The following RDH12 variants were observed in gnomAD, a reference collection of about 807,000 sequenced individuals.
RDH12 encodes retinol dehydrogenase 12, also known as all-trans and 9-cis retinol dehydrogenase.
RDH12 carries 21 observed loss-of-function variants against 34.0 expected under a neutral mutation model. That is an observed-to-expected ratio of 0.62 (90% CI 0.44 to 0.89). The LOEUF is 0.89. Among genes scored for constraint, RDH12 ranks in the 40% least tolerant of loss-of-function variants. The pLI, the probability that RDH12 is intolerant of heterozygous loss-of-function variation, is 0.00. For missense variants in RDH12, 394 were observed against 398.6 expected (o/e 0.99, Z 0.10); for synonymous variants, 198 against 169.9 (o/e 1.17, Z -1.29).
At position 67,729,235 on chromosome 14, in the gene RDH12, T is replaced by C. The variant is rs1461242071; in HGVS notation, c.703T>C (p.Ser235Pro). ...CGCAGTGCACCCAGGCGTCGTCCGC[T>C]CTGAGCTGGTCCGGCACTCCTCCCT... ...TYAVHPGVVRSELVRHSSLLC... is the reference protein window; with the variant it reads ...TYAVHPGVVRPELVRHSSLLC... Residue 235 changes from serine to proline, a missense_variant, in exon 8 of 9, where the codon TCT becomes CCT. Physicochemically the swap from Ser to Pro is moderately conservative, Grantham distance 74. Coordinates refer to ENST00000551171, the MANE Select transcript of RDH12 (RefSeq NM_152443.3). The C allele has an allele frequency of 1.9e-6, 3 of 1,610,898 alleles. No homozygotes were observed. The highest frequency in any genetic ancestry group is 2.5e-6 in the Non-Finnish European group (3 of 1,180,016).
intron 1 of RDH12, among the ~76,000 whole-genome samples, chr14:67,719,845 CAGCTGTAT>C (rs2038104051): frequency 6.6e-6 from 1 of 152,100 alleles, no homozygotes; most frequent in South Asian, 2.1e-4. Flanking sequence ...TCTTTTTTTA[CAGCTGTAT>C]ACTATCTATT....
intron 7 of RDH12, chr14:67,727,486 T>TTG: frequency 9.3e-6 from 2 of 216,000 alleles, no homozygotes; most frequent in Non-Finnish European, 1.8e-5. Context: ...GTTTTTTTTG[T>TTG]TTTTTTTTTT....
chr14:67,729,739 C>T (rs1227909521), intron 8 of RDH12: 1 of 509,390 alleles, frequency 2.0e-6, no homozygotes, highest in East Asian at 5.1e-5. Context: ...TTTTAAATAC[C>T]AATTAGCACA....
chr14:67,721,944 T>C (rs965525513), intron 2 of RDH12, among the ~76,000 whole-genome samples: 2 of 152,172 alleles, frequency 1.3e-5, no homozygotes, highest in Non-Finnish European at 2.9e-5. Context: ...AATATGCATG[T>C]GCGTGTGTTA....
At chr14:67,712,492 G>GAAA (rs2038019563) in intron 1 of RDH12, among the ~76,000 whole-genome samples, 1 of 8,840 alleles carries the variant, frequency 1.1e-4, no homozygotes, top group Non-Finnish European at 3.2e-4. Flanking sequence ...GAAAAAACTT[G>GAAA]CAAAAAAAAA....
Position 67,725,078 on chromosome 14 carries a change from CT to C in RDH12, c.188-14del. ...TAGCCTAGGATATGAACATACTGCT[CT>C]TTTTTTGTCTTGGACCCAGGAGCCC... On this transcript the variant is annotated intron_variant, in intron 4 of 8. Coordinates refer to ENST00000551171, the MANE Select transcript of RDH12 (RefSeq NM_152443.3). The C allele has an allele frequency of 6.2e-7, 1 of 1,614,004 alleles. No individual in the cohort carries two copies. The highest frequency in any genetic ancestry group is 2.2e-5 in the East Asian group (1 of 44,876).
chr14:67,710,782 A>G (rs980905759), intron 1 of RDH12, among the ~76,000 whole-genome samples: 4 of 152,008 alleles, frequency 2.6e-5, no homozygotes, highest in Non-Finnish European at 5.9e-5. Flanking sequence ...GAAAATACCC[A>G]AATAATGAAA....
At chr14:67,732,015 C>T (rs1594869217) in intron 8 of RDH12, among the ~76,000 whole-genome samples, 1 of 150,902 alleles carries the variant, frequency 6.6e-6, no homozygotes, top group African/African-American at 2.4e-5. Flanking sequence ...TAATCCCAGC[C>T]ACTCAGGAGG....
intron 7 of RDH12, chr14:67,727,485 G>GTT (rs762341739): frequency 1.8e-3 from 467 of 257,350 alleles, no homozygotes; most frequent in East Asian, 6.2e-3. Context: ...TGTTTTTTTT[G>GTT]TTTTTTTTTT....
At chr14:67,711,136 C>T (rs1404641390) in intron 1 of RDH12, among the ~76,000 whole-genome samples, 2 of 152,140 alleles carry the variant, frequency 1.3e-5, no homozygotes, top group East Asian at 3.8e-4. Flanking sequence ...TGGACTAGAC[C>T]ACCTAAAGCC....
At chr14:67,720,470 A>G (rs932502423) in intron 1 of RDH12, among the ~76,000 whole-genome samples, 2 of 152,286 alleles carry the variant, frequency 1.3e-5, no homozygotes, top group Admixed American at 6.5e-5. Context: ...CAGTGGTTTC[A>G]TTTCTCATAC....
intron 1 of RDH12, among the ~76,000 whole-genome samples, chr14:67,716,895 A>G (rs1661028972): frequency 6.6e-6 from 1 of 152,110 alleles, no homozygotes; most frequent in Admixed American, 6.5e-5. Context: ...AAAAAAAAAA[A>G]AAGAATTTTA....
intron 8 of RDH12, among the ~76,000 whole-genome samples, chr14:67,732,126 CAAAAAA>C (rs71129854): frequency 1.3e-5 from 1 of 77,528 alleles, no homozygotes; most frequent in African/African-American, 5.4e-5. Context: ...GACTCTGTCT[CAAAAAA>C]AAAAAAAAAA....
chr14:67,709,342 A>G (rs2037985140), intron 1 of RDH12, among the ~76,000 whole-genome samples: 1 of 152,228 alleles, frequency 6.6e-6, no homozygotes, highest in Non-Finnish European at 1.5e-5. Flanking sequence ...AAACAGCATG[A>G]AGCCAATTAA....
chr14:67,708,098 C>T (rs1306370915), intron 1 of RDH12, among the ~76,000 whole-genome samples: 1 of 152,136 alleles, frequency 6.6e-6, no homozygotes, highest in Non-Finnish European at 1.5e-5. Flanking sequence ...AAATAATTTC[C>T]AAATTCTGGA....
Position 67,722,547 on chromosome 14 carries a change from C to T in RDH12, c.-96C>T. ...GAGAGGAGCAGAGAAGCAGCAGAAG[C>T]AGCCAAGAGCTGGAGCCAGACCAGG... On this transcript the variant is annotated 5_prime_UTR_variant, in exon 3 of 9. Transcript: ENST00000551171. 1.0e-6 allele frequency: 1 copy of T among 994,662 alleles called. No homozygotes were observed. The highest frequency in any genetic ancestry group is 1.6e-6 in the Non-Finnish European group (1 of 615,228). 61.6% of individuals were successfully genotyped at this position (994,662 alleles called of 1,614,324 possible). A position where few individuals can be genotyped will look rare whatever the true frequency, so the allele number is the denominator to read the frequency against.
chr14:67,733,656 C>A, intron 8 of RDH12, 90 bp from the exon 9 acceptor site: 2 of 829,790 alleles, frequency 2.4e-6, no homozygotes, highest in Non-Finnish European at 4.1e-6. Flanking sequence ...GTATTTTATT[C>A]ATTTAGAAAC....
intron 5 of RDH12, among the ~76,000 whole-genome samples, chr14:67,725,611 G>C (rs1566847259): frequency 6.6e-6 from 1 of 152,126 alleles, no homozygotes; most frequent in Non-Finnish European, 1.5e-5. Flanking sequence ...AGTTCTTCTG[G>C]ATCTTGGAAA....
At chr14:67,723,043 T>C (rs1223205944) in intron 3 of RDH12, among the ~76,000 whole-genome samples, 1 of 152,196 alleles carries the variant, frequency 6.6e-6, no homozygotes, top group Admixed American at 6.5e-5. Flanking sequence ...CCTTTGGGTG[T>C]CTCTGAAGAA....
Sources: gnomAD v4.1 joint callset for allele counts (sites outside exome capture counted in the v4.1 genomes callset) on GRCh38, gnomAD v4.1.1 for gene constraint, MANE v1.5 for transcripts, NCBI Gene and HGNC (gene_info 2026-07-23, HGNC 2026-07-21) for gene names.